Variants in DMC1 observed in about 807,000 individuals in gnomAD.
DMC1 encodes the protein DNA meiotic recombinase 1.
Under a neutral mutation model 50.1 loss-of-function variants are expected in DMC1, and 27 were observed. The observed-to-expected ratio is 0.54, with a 90% CI of 0.40 to 0.74. The LOEUF is 0.74. Among genes scored for constraint, DMC1 ranks in the 30% least tolerant of loss-of-function variants. The pLI is 0.00. For synonymous variants in DMC1, 148 were observed against 136.1 expected (o/e 1.09, Z -0.61); for missense variants, 295 against 420.2 (o/e 0.70, Z 2.60).
At chr22:38,515,685 G>T (rs901910164), downstream of DMC1, among the ~76,000 whole-genome samples, 9 of 151,748 alleles carry the variant, frequency 5.9e-5, no homozygotes, top group Admixed American at 3.9e-4. Flanking sequence ...TGCAATCTCA[G>T]CTACTTGGGA....
At chr22:38,522,673 T>G (rs1453590918) in intron 12 of DMC1, among the ~76,000 whole-genome samples, 1 of 152,176 alleles carries the variant, frequency 6.6e-6, no homozygotes, top group Non-Finnish European at 1.5e-5. Context: ...AACTATGATA[T>G]AGAATAATAG....
At chr22:38,565,899 C>T (rs2090576352) in intron 4 of DMC1, among the ~76,000 whole-genome samples, 1 of 152,174 alleles carries the variant, frequency 6.6e-6, no homozygotes, top group South Asian at 2.1e-4. Context: ...GAGAGAGCAA[C>T]TTCTTTGGTA....
chr22:38,554,976 C>T (rs958922572), intron 6 of DMC1, among the ~76,000 whole-genome samples: 1 of 151,508 alleles, frequency 6.6e-6, no homozygotes, highest in Non-Finnish European at 1.5e-5. Context: ...CCCAGCTACT[C>T]GGGAGGCTGA....
chr22:38,536,475 A>G (rs1235976839), intron 12 of DMC1, among the ~76,000 whole-genome samples: 3 of 152,158 alleles, frequency 2.0e-5, no homozygotes, highest in African/African-American at 7.2e-5. Flanking sequence ...TTTCAGAGTC[A>G]TCAATAGTTA....
downstream of DMC1, among the ~76,000 whole-genome samples, chr22:38,514,945 CTTTT>C (rs1225224373): frequency 4.9e-5 from 6 of 121,944 alleles, no homozygotes; most frequent in African/African-American, 9.5e-5. Context: ...TTTTTTTATT[CTTTT>C]TTTTTTTTTT....
chr22:38,567,238 T>C (rs1019305102), intron 3 of DMC1, among the ~76,000 whole-genome samples: 1 of 152,334 alleles, frequency 6.6e-6, no homozygotes, highest in Middle Eastern at 3.4e-3. Flanking sequence ...CAACAGATAA[T>C]GTCAGCACAG....
intron 8 of DMC1, among the ~76,000 whole-genome samples, chr22:38,540,456 G>A (rs1226388671): frequency 6.6e-6 from 1 of 152,168 alleles, no homozygotes. Context: ...AAACTATAAA[G>A]GAGTAATAAA....
intron 8 of DMC1, chr22:38,549,307 G>C (rs1283197345): frequency 2.0e-5 from 3 of 152,146 alleles, no homozygotes; most frequent in African/African-American, 7.3e-5. Context: ...CCTTCATTTG[G>C]GACCATGACT....
intron 12 of DMC1, among the ~76,000 whole-genome samples, chr22:38,537,292 C>G (rs2090224849): frequency 6.6e-6 from 1 of 152,160 alleles, no homozygotes; most frequent in Admixed American, 6.5e-5. Context: ...CGGCTTACTA[C>G]AACCTCCACC....
chr22:38,569,421 A>G (rs570665319), intron 1 of DMC1: 1 of 152,264 alleles, frequency 6.6e-6, no homozygotes, highest in East Asian at 1.9e-4. Context: ...CATTAATACT[A>G]AGGCAGGAGC....
chr22:38,568,338 C>T (rs761631856), intron 1 of DMC1, 49 bp from the exon 2 acceptor site: 2 of 1,380,338 alleles, frequency 1.4e-6, no homozygotes, highest in Non-Finnish European at 2.1e-6. Context: ...TGTCCAGGGG[C>T]CTCTGATTTC....
intron 5 of DMC1, among the ~76,000 whole-genome samples, chr22:38,560,929 AAAGATG>A (rs1429616776): frequency 6.6e-6 from 1 of 152,104 alleles, no homozygotes; most frequent in African/African-American, 2.4e-5. Flanking sequence ...TGTATCCCTA[AAAGATG>A]AAGATGAAGA....
intron 8 of DMC1, among the ~76,000 whole-genome samples, chr22:38,548,946 TCTC>T: frequency 6.6e-6 from 1 of 152,310 alleles, no homozygotes; most frequent in East Asian, 1.9e-4. Context: ...ACATAACTAT[TCTC>T]CTAGTATCTA....
the DMC1 span, among the ~76,000 whole-genome samples, chr22:38,513,858 G>A: frequency 6.6e-6 from 1 of 152,228 alleles, no homozygotes; most frequent in Admixed American, 6.5e-5. Flanking sequence ...GGGCCACTGC[G>A]CCTGGCCCAG....
chr22:38,553,068 A>G (rs9610975), intron 6 of DMC1, among the ~76,000 whole-genome samples: 57,943 of 150,224 alleles, frequency 0.39, 11,571 homozygotes, highest in African/African-American at 0.49. Flanking sequence ...GGCTGGTCTC[A>G]AACTCCTGAA....
intron 5 of DMC1, among the ~76,000 whole-genome samples, chr22:38,556,234 T>C (rs1354959283): frequency 6.6e-6 from 1 of 152,160 alleles, no homozygotes; most frequent in African/African-American, 2.4e-5. Context: ...AGACAGAATC[T>C]TGTTCTGTCA....
chr22:38,540,405 C>G (rs908077024), intron 8 of DMC1, among the ~76,000 whole-genome samples: 1 of 152,050 alleles, frequency 6.6e-6, no homozygotes, highest in African/African-American at 2.4e-5. Context: ...AGTGCACCTG[C>G]AAAAGTATTC....
At chr22:38,526,222 T>G (rs533749863) in intron 12 of DMC1, among the ~76,000 whole-genome samples, 33 of 152,126 alleles carry the variant, frequency 2.2e-4, no homozygotes, top group Non-Finnish European at 2.6e-4. Context: ...TTTTTTTTTT[T>G]GAGACGGAGT....
chr22:38,521,814 G>T, intron 12 of DMC1, 90 bp from the exon 13 acceptor site: 1 of 910,812 alleles, frequency 1.1e-6, no homozygotes, highest in South Asian at 1.3e-5. Flanking sequence ...TGTGGTGGAT[G>T]TCAGGAGTTG....
Sources: allele counts gnomAD v4.1 joint callset (sites outside exome capture counted in the v4.1 genomes callset), GRCh38; gene constraint gnomAD v4.1.1; transcripts MANE v1.5; gene names NCBI Gene and HGNC (gene_info 2026-07-23, HGNC 2026-07-21).